The following TTC1 variants were observed in gnomAD, a reference collection of about 807,000 sequenced individuals.
TTC1 encodes tetratricopeptide repeat protein 1.
In TTC1, 31 loss-of-function variants were observed where a neutral mutation model predicts 37.6. That is an observed-to-expected ratio of 0.82 (90% CI 0.62 to 1.11). The LOEUF is 1.11. TTC1 is among the 50% of genes most tolerant of loss of function. TTC1 has a pLI of 0.00. For missense variants in TTC1, 351 were observed against 339.0 expected, an observed-to-expected ratio of 1.04 and a Z score of -0.28; for synonymous variants, 127 against 122.4, an observed-to-expected ratio of 1.04 and a Z score of -0.25.
intron 7 of TTC1, among the ~76,000 whole-genome samples, chr5:160,061,258 G>T (rs1753384021): frequency 6.6e-6 from 1 of 152,346 alleles, no homozygotes; most frequent in Non-Finnish European, 1.5e-5. Context: ...CCTGGTTCAA[G>T]TGTAAACTCT....
At chr5:160,041,275 T>A (rs1202047275) in intron 4 of TTC1, among the ~76,000 whole-genome samples, 1 of 152,024 alleles carries the variant, frequency 6.6e-6, no homozygotes, top group East Asian at 1.9e-4. Context: ...ATAACAGCCA[T>A]TTATTATCAA....
rs12520968 is a variant in TTC1 at position 160,058,579 on chromosome 5, T to A, written c.746-6353T>A. On this transcript the variant is annotated intron_variant, in intron 7 of 7. Coordinates refer to ENST00000231238, the MANE Select transcript of TTC1 (RefSeq NM_003314.3). ...GTGCCCACCACCAAGCCCGGCTAATTTTTTGTATTTTTTAGTAGAGACAGG... is the reference window on the plus strand; with the variant it reads ...GTGCCCACCACCAAGCCCGGCTAATATTTTGTATTTTTTAGTAGAGACAGG... 0.012 allele frequency among the ~76,000 whole-genome samples: 1,759 copies of A among 151,938 alleles called. 77 individuals are homozygous for A. In the East Asian group the frequency reaches 0.14, roughly 12 times the overall value.
intron 7 of TTC1, among the ~76,000 whole-genome samples, chr5:160,064,064 G>T (rs1207877066): frequency 6.7e-6 from 1 of 148,204 alleles, no homozygotes; most frequent in Non-Finnish European, 1.5e-5. Flanking sequence ...TGCCTCCCAG[G>T]TGCAAACGAT....
Position 160,059,169 on chromosome 5 carries a change from G to A in TTC1, c.746-5763G>A, listed in dbSNP as rs571196093. ...TCCTGTTGCTTTGAAAGTCCTATAC[G>A]GCATCTTCTTTCAATATAGTGCTGT... On this transcript the variant is annotated intron_variant, in intron 7 of 7. Transcript: ENST00000231238. Among the ~76,000 whole-genome samples the A allele has an allele frequency of 5.7e-5, 8 of 140,646 alleles. No homozygotes were observed. The East Asian group carries it at 1.7e-3, about 30-fold the overall frequency. 92.3% of individuals were successfully genotyped at this position (140,646 alleles called of 152,430 possible).
intron 5 of TTC1, 97 bp from the exon 6 acceptor site, chr5:160,049,417 G>T (rs138542608): frequency 6.0e-6 from 7 of 1,167,246 alleles, no homozygotes; most frequent in Non-Finnish European, 6.9e-6. Flanking sequence ...TCTTCCTTTC[G>T]TATCCTTGGA....
intron 7 of TTC1, among the ~76,000 whole-genome samples, chr5:160,058,063 G>A (rs1030541352): frequency 6.6e-6 from 1 of 152,188 alleles, no homozygotes; most frequent in Non-Finnish European, 1.5e-5. Context: ...CACTGTGCCC[G>A]GCCAGTTTAT....
chr5:160,026,890 A>ATATATC (rs1756815260), intron 2 of TTC1, among the ~76,000 whole-genome samples: 1 of 150,406 alleles, frequency 6.6e-6, no homozygotes, highest in Non-Finnish European at 1.5e-5. Flanking sequence ...GTATTAGATA[A>ATATATC]TATTTTCTGC....
chr5:160,039,062 A>G (rs1278055989), intron 4 of TTC1: 2 of 152,096 alleles, frequency 1.3e-5, no homozygotes, highest in African/African-American at 4.8e-5. Context: ...ATTATATTCT[A>G]AGTTTTTCAA....
chr5:160,032,320 C>CA (rs1470853840), intron 2 of TTC1, among the ~76,000 whole-genome samples: 2 of 152,144 alleles, frequency 1.3e-5, no homozygotes, highest in Non-Finnish European at 2.9e-5. Context: ...AAAGAGTGGG[C>CA]ATTAAGATCT....
intron 2 of TTC1, among the ~76,000 whole-genome samples, chr5:160,012,409 G>C (rs1756519575): frequency 6.6e-6 from 1 of 151,680 alleles, no homozygotes; most frequent in Admixed American, 6.6e-5. Context: ...GTGTCATCCA[G>C]GCTGGAGTGC....
chr5:160,042,444 C>G (rs539733520), intron 4 of TTC1, among the ~76,000 whole-genome samples: 1 of 152,278 alleles, frequency 6.6e-6, no homozygotes, highest in South Asian at 2.1e-4. Flanking sequence ...CTACCCCGCT[C>G]CTATTTTAGA....
chr5:160,037,303 G>A (rs1757013498), intron 4 of TTC1, among the ~76,000 whole-genome samples: 1 of 152,206 alleles, frequency 6.6e-6, no homozygotes, highest in Admixed American at 6.5e-5. Flanking sequence ...TGCAAAATAG[G>A]TGTCAAGGAA....
At chr5:160,059,834 A>G (rs1757652011) in intron 7 of TTC1, among the ~76,000 whole-genome samples, 1 of 152,242 alleles carries the variant, frequency 6.6e-6, no homozygotes, top group Non-Finnish European at 1.5e-5. Flanking sequence ...TTGAAATATT[A>G]TGAGAATTAC....
intron 2 of TTC1, among the ~76,000 whole-genome samples, chr5:160,013,253 A>G (rs1376645795): frequency 6.6e-6 from 1 of 152,210 alleles, no homozygotes; most frequent in Non-Finnish European, 1.5e-5. Context: ...TTTGATAAAT[A>G]TCTTTCCAAA....
At chr5:160,053,292 T>C (rs976805666) in intron 7 of TTC1, among the ~76,000 whole-genome samples, 3 of 152,204 alleles carry the variant, frequency 2.0e-5, no homozygotes, top group African/African-American at 7.2e-5. Flanking sequence ...GTTAAAAATT[T>C]TTTAAATTGG....
In TTC1 at chr5:160,010,535, G is replaced by A. The variant is rs1756480873; in HGVS notation, c.7G>A (p.Glu3Lys). The change falls in exon 2 of 8, where the codon GAG (glutamate) becomes AAG (lysine). Residue 3 changes from glutamate (E) to lysine (K), a missense_variant. Coordinates refer to ENST00000231238, the MANE Select transcript of TTC1 (RefSeq NM_003314.3). MG[E>K]KSENCGVPED... ...ACCTCCCTCACTGGGCAGCATGGGG[G>A]AGAAGTCAGAGAACTGTGGGGTTCC... is the stretch of plus-strand genomic sequence containing the variant. 14 of 1,612,206 alleles carry A rather than the reference G, an allele frequency of 8.7e-6. No homozygotes were observed. The highest frequency in any genetic ancestry group is 1.2e-5 in the Non-Finnish European group (14 of 1,178,412).
At chr5:160,050,453 A>C (rs1757372158) in intron 6 of TTC1, among the ~76,000 whole-genome samples, 1 of 152,218 alleles carries the variant, frequency 6.6e-6, no homozygotes. Context: ...TCTTAAAAAA[A>C]CAAAAAATAC....
At chr5:160,049,946 G>A (rs949877562) in intron 6 of TTC1, among the ~76,000 whole-genome samples, 12 of 151,974 alleles carry the variant, frequency 7.9e-5, no homozygotes, top group South Asian at 2.1e-4. Flanking sequence ...GGGTGTGGTC[G>A]TACACATCTG....
At position 160,035,138 on chromosome 5, in the gene TTC1, A is replaced by C; in HGVS notation, c.331-2A>C. 1.3e-6 allele frequency: 2 copies of C among 1,591,882 alleles called. No homozygotes were observed. The highest frequency in any genetic ancestry group is 1.7e-6 in the Non-Finnish European group (2 of 1,172,926). ...ATTATGTAATTCTCTGATGTCTTTC[A>C]GAAAAGAAGAGAAGAGAGCACTAGA... is the stretch of plus-strand genomic sequence containing the variant. On this transcript the variant is annotated splice_acceptor_variant, in intron 2 of 7. Coordinates refer to ENST00000231238, the MANE Select transcript of TTC1 (RefSeq NM_003314.3). LOFTEE classifies it high-confidence loss of function.
Sources: allele counts gnomAD v4.1 joint callset (sites outside exome capture counted in the v4.1 genomes callset), GRCh38; gene constraint gnomAD v4.1.1; transcripts MANE v1.5; gene names NCBI Gene and HGNC (gene_info 2026-07-23, HGNC 2026-07-21).